Variants in GAP43 observed in about 807,000 individuals in gnomAD.
The protein encoded by GAP43 is neuromodulin.
In GAP43, 6 loss-of-function variants were observed where a neutral mutation model predicts 18.6. The observed-to-expected ratio is 0.32, with a 90% CI of 0.18 to 0.64. GAP43 has a LOEUF of 0.64. GAP43 is among the 30% of genes least tolerant of loss of function. The pLI is 0.78. For missense variants in GAP43, 292 were observed against 295.5 expected, an observed-to-expected ratio of 0.99 and a Z score of 0.09; for synonymous variants, 115 against 111.4, an observed-to-expected ratio of 1.03 and a Z score of -0.20.
At chr3:115,654,949 G>A (rs1708562191) in intron 1 of GAP43, among the ~76,000 whole-genome samples, 1 of 152,132 alleles carries the variant, frequency 6.6e-6, no homozygotes, top group South Asian at 2.1e-4. Context: ...TAGCAGGGAA[G>A]TCCAGAGACA....
At chr3:115,653,943 C>G (rs28370264) in intron 1 of GAP43, among the ~76,000 whole-genome samples, 1 of 152,066 alleles carries the variant, frequency 6.6e-6, no homozygotes, top group Non-Finnish European at 1.5e-5. Flanking sequence ...ACATTTTCTA[C>G]AATACATGGA....
chr3:115,660,769 T>C (rs1708647987), intron 1 of GAP43, among the ~76,000 whole-genome samples: 1 of 152,222 alleles, frequency 6.6e-6, no homozygotes, highest in South Asian at 2.1e-4. Context: ...GGTGACAGTC[T>C]GCATTGCCAG....
intron 1 of GAP43, among the ~76,000 whole-genome samples, chr3:115,661,804 CA>C (rs1201061102): frequency 1.6e-5 from 2 of 125,578 alleles, no homozygotes; most frequent in African/African-American, 3.1e-5. Flanking sequence ...CTTTGAATCG[CA>C]AGTTTGGCTT....
intron 1 of GAP43, among the ~76,000 whole-genome samples, chr3:115,627,771 AG>A (rs947123823): frequency 2.0e-5 from 3 of 152,188 alleles, no homozygotes; most frequent in African/African-American, 7.2e-5. Flanking sequence ...TGCAAACCAA[AG>A]AAGTGATTTC....
At chr3:115,709,932 G>A (rs1233934467) in intron 2 of GAP43, among the ~76,000 whole-genome samples, 2 of 151,704 alleles carry the variant, frequency 1.3e-5, no homozygotes, top group Non-Finnish European at 2.9e-5. Context: ...TCCAGTTTAT[G>A]GCTCGATAAC....
intron 2 of GAP43, among the ~76,000 whole-genome samples, chr3:115,698,720 G>C (rs1209823010): frequency 6.6e-6 from 1 of 152,090 alleles, no homozygotes; most frequent in Non-Finnish European, 1.5e-5. Flanking sequence ...AGTGGGAAGG[G>C]ACCAGGGTGA....
chr3:115,658,389 CCTT>C (rs1458059884), intron 1 of GAP43: 3 of 152,488 alleles, frequency 2.0e-5, no homozygotes, highest in African/African-American at 7.2e-5. Context: ...TCCTACCCCA[CCTT>C]CTGCGTTCTG....
intron 1 of GAP43, among the ~76,000 whole-genome samples, chr3:115,634,640 C>G (rs1450772534): frequency 4.6e-5 from 7 of 152,082 alleles, no homozygotes; most frequent in African/African-American, 1.7e-4. Context: ...TGTGGTGGTA[C>G]ATACCTGTAG....
At chr3:115,633,031 A>T (rs1708279155) in intron 1 of GAP43, among the ~76,000 whole-genome samples, 1 of 151,930 alleles carries the variant, frequency 6.6e-6, no homozygotes, top group African/African-American at 2.4e-5. Flanking sequence ...AAAGAAAAAA[A>T]GCAGCGATCA....
chr3:115,698,282 A>ATAC (rs1345162932), intron 2 of GAP43, among the ~76,000 whole-genome samples: 2 of 1,430 alleles, frequency 1.4e-3, no homozygotes, highest in African/African-American at 2.4e-3. Context: ...ATTATATATA[A>ATAC]ATATAATATA....
At chr3:115,684,428 A>G (rs1403550032) in intron 2 of GAP43, among the ~76,000 whole-genome samples, 5 of 152,128 alleles carry the variant, frequency 3.3e-5, no homozygotes, top group Admixed American at 3.3e-4. Context: ...TATAATTTAG[A>G]TATGTTTAAG....
At chr3:115,624,116 G>T (rs769657416) in intron 1 of GAP43, among the ~76,000 whole-genome samples, 2 of 151,904 alleles carry the variant, frequency 1.3e-5, no homozygotes, top group Non-Finnish European at 2.9e-5. Context: ...CAGGGTTGAG[G>T]AAATAATATT....
intron 1 of GAP43, among the ~76,000 whole-genome samples, chr3:115,655,118 C>T (rs1708563817): frequency 6.6e-6 from 1 of 152,122 alleles, no homozygotes; most frequent in Admixed American, 6.5e-5. Flanking sequence ...ACTTCTCATG[C>T]CCCACACACC....
intron 1 of GAP43, among the ~76,000 whole-genome samples, chr3:115,624,640 C>T (rs1576972991): frequency 6.6e-6 from 1 of 152,226 alleles, no homozygotes; most frequent in East Asian, 1.9e-4. Context: ...GCCCCTCCTT[C>T]CCTCCCCCAC....
intron 1 of GAP43, among the ~76,000 whole-genome samples, chr3:115,675,035 C>T (rs1708863043): frequency 6.6e-6 from 1 of 152,048 alleles, no homozygotes; most frequent in Admixed American, 6.5e-5. Flanking sequence ...TTAATAAAAA[C>T]CTGGGGTGAA....
chr3:115,659,640 G>A (rs540911924), intron 1 of GAP43, among the ~76,000 whole-genome samples: 2 of 152,202 alleles, frequency 1.3e-5, no homozygotes, highest in South Asian at 2.1e-4. Context: ...AAAGGGAAGA[G>A]GGGCAAGGTG....
chr3:115,682,168 T>C (rs554870927), intron 2 of GAP43, among the ~76,000 whole-genome samples: 1 of 152,314 alleles, frequency 6.6e-6, no homozygotes, highest in East Asian at 1.9e-4. Context: ...TTAGGGATAT[T>C]AAACTGTTTC....
chr3:115,652,874 G>A (rs1349080150), intron 1 of GAP43, among the ~76,000 whole-genome samples: 2 of 152,188 alleles, frequency 1.3e-5, no homozygotes, highest in East Asian at 1.9e-4. Flanking sequence ...TAAATGTACT[G>A]ACAGGAGAAT....
intron 1 of GAP43, among the ~76,000 whole-genome samples, chr3:115,628,783 T>G (rs1166599760): frequency 6.6e-6 from 1 of 152,168 alleles, no homozygotes; most frequent in African/African-American, 2.4e-5. Flanking sequence ...ATTCCACTCT[T>G]CTCGTTTGAC....
Sources: gnomAD v4.1 joint callset for allele counts (sites outside exome capture counted in the v4.1 genomes callset) on GRCh38, gnomAD v4.1.1 for gene constraint, MANE v1.5 for transcripts, NCBI Gene and HGNC (gene_info 2026-07-23, HGNC 2026-07-21) for gene names.